The following ZNF792 variants were observed in gnomAD, a reference collection of about 807,000 sequenced individuals.
ZNF792 encodes zinc finger protein 792.
A neutral mutation model predicts 13.1 loss-of-function variants in ZNF792; 14 were observed. The observed-to-expected ratio is 1.07, with a 90% CI of 0.71 to 1.67. The LOEUF is 1.67. Among genes scored for constraint, ZNF792 ranks in the 40% most tolerant of loss-of-function variants. The probability of loss-of-function intolerance (pLI) is 0.00; values close to 1 mark genes in which losing one functional copy is unlikely to be tolerated. For missense variants in ZNF792, 740 were observed against 807.9 expected (o/e 0.92, Z 1.02); for synonymous variants, 257 against 292.0 (o/e 0.88, Z 1.22).
rs371492902 is a variant in ZNF792 at position 34,958,179 on chromosome 19, T to C, written c.1676A>G (p.Asp559Gly). The change falls in exon 4 of 4, where the codon GAC (aspartate) becomes GGC (glycine). Residue 559 changes from aspartate to glycine, a missense_variant. Physicochemically the swap from Asp to Gly is moderately conservative, Grantham distance 94. Transcript: ENST00000404801. ...LRQHLKVHKP[D>G]RPYECSECGK... The stretch of plus-strand genomic sequence containing the variant: ...ACATTCGCTGCATTCGTAAGGCCTG[T>C]CTGGTTTGTGAACTTTCAGGTGCTG... The C allele has an allele frequency of 1.9e-6, 3 of 1,611,764 alleles. No individual in the cohort carries two copies. In the African/African-American group the frequency reaches 4.0e-5, roughly 22 times the overall value.
intron 1 of ZNF792, among the ~76,000 whole-genome samples, chr19:34,962,966 C>A (rs2013549552): frequency 6.6e-6 from 1 of 152,188 alleles, no homozygotes; most frequent in Admixed American, 6.5e-5. Flanking sequence ...CCCTCCACAT[C>A]GGAAAATTTG....
At chr19:34,960,549 T>A (rs1215161534) in intron 2 of ZNF792, 192 bp from the exon 3 acceptor site, 6 of 767,794 alleles carry the variant, frequency 7.8e-6, no homozygotes, top group Non-Finnish European at 1.2e-5. Context: ...AGGCACAGAA[T>A]CTAAACCACA....
chr19:34,959,752 C>A (rs1337627349), intron 3 of ZNF792, among the ~76,000 whole-genome samples, 181 bp from the exon 4 acceptor site: 2 of 152,128 alleles, frequency 1.3e-5, no homozygotes, highest in East Asian at 1.9e-4. Flanking sequence ...TCACAAAATA[C>A]AGGAGGCCTT....
rs552864045 is a variant in ZNF792 at position 34,958,362 on chromosome 19, C to A, written c.1493G>T (p.Arg498Ile). Reference sequence around the variant, plus strand: ...GTAAGGCCGTTCACCAGTGTGAAGTCTCCGATGGCTATTGAGGCTGGAGCT... The same window carrying A: ...GTAAGGCCGTTCACCAGTGTGAAGTATCCGATGGCTATTGAGGCTGGAGCT... ...SQSSSLNSHRRLHTGERPYQC... is the reference protein window; with the variant it reads ...SQSSSLNSHRILHTGERPYQC... Residue 498 changes from arginine (R) to isoleucine (I), a missense_variant, in exon 4 of 4, where the codon AGA becomes ATA. By Grantham distance (97) the Arg-to-Ile change is moderately conservative. Transcript: ENST00000404801. The A allele has an allele frequency of 1.2e-6, 2 of 1,613,556 alleles. No individual in the cohort carries two copies. The highest frequency in any genetic ancestry group is 2.2e-5 in the South Asian group (2 of 91,030).
chr19:34,958,152 C>T lies in ZNF792; in HGVS notation c.1703G>A (p.Gly568Glu). Residue 568 changes from glycine to glutamate, a missense_variant, in exon 4 of 4, where the codon GGG becomes GAG. Physicochemically the swap from Gly to Glu is moderately conservative, Grantham distance 98. Transcript: ENST00000404801. ...PDRPYECSEC[G>E]KAFNQRPTLI... Reference sequence around the variant, plus strand: ...GGTAGGCCTTTGGTTGAAGGCTTTCCCACATTCGCTGCATTCGTAAGGCCT... The same window carrying T: ...GGTAGGCCTTTGGTTGAAGGCTTTCTCACATTCGCTGCATTCGTAAGGCCT... The T allele has an allele frequency of 6.2e-7, 1 of 1,611,860 alleles. No individual in the cohort carries two copies. Among genetic ancestry groups the T allele is most frequent in the Non-Finnish European group, 8.5e-7 (1 of 1,178,164 alleles).
In ZNF792 at chr19:34,963,639, G is replaced by A; in HGVS notation, c.24C>T (p.Asp8=). 4 of 1,602,738 alleles carry A rather than the reference G, an allele frequency of 2.5e-6. No individual in the cohort carries two copies. Among genetic ancestry groups the A allele is most frequent in the Non-Finnish European group, 3.4e-6 (4 of 1,175,716 alleles). MAAAALR[D]PAQGCVTFED... ...ACGTCCAAGCACTCACCTGCGCGGGGTCCCGCAGCGCCGCCGCTGCCATCG... is the reference window on the plus strand; with the variant it reads ...ACGTCCAAGCACTCACCTGCGCGGGATCCCGCAGCGCCGCCGCTGCCATCG... Residue 8 remains aspartate (D), a synonymous_variant, in exon 1 of 4, where the codon GAC becomes GAT. Transcript: ENST00000404801.
At chr19:34,963,016 C>T (rs150917852) in intron 1 of ZNF792, among the ~76,000 whole-genome samples, 741 of 152,294 alleles carry the variant, frequency 4.9e-3, no homozygotes, top group Middle Eastern at 0.027. Context: ...CCAATCACTT[C>T]CTCTACCTCC....
intron 1 of ZNF792, among the ~76,000 whole-genome samples, chr19:34,962,452 C>T (rs11667566): frequency 1.3e-5 from 2 of 152,168 alleles, no homozygotes; most frequent in Non-Finnish European, 2.9e-5. Flanking sequence ...CTGCCTTTCT[C>T]TGGTTGTTCT....
intron 1 of ZNF792, among the ~76,000 whole-genome samples, chr19:34,962,277 T>C (rs556634379): frequency 1.3e-5 from 2 of 152,358 alleles, no homozygotes; most frequent in South Asian, 4.1e-4. Flanking sequence ...CCAAGGCTAC[T>C]TACTCAAAGC....
In ZNF792 at chr19:34,958,575, C is replaced by CA; in HGVS notation, c.1279dup (p.Cys427LeufsTer28). On this transcript the variant is annotated frameshift_variant, in exon 4 of 4. Coordinates refer to ENST00000404801, the MANE Select transcript of ZNF792 (RefSeq NM_175872.5). LOFTEE classifies it low-confidence loss of function (END_TRUNC). ...GGCAATGTGGCTGAAGAATTTCCCA[C>CA]ATTCGTTACACTTGTAAGGTCTTTC... The CA allele has an allele frequency of 6.2e-7, 1 of 1,603,294 alleles. No individual in the cohort carries two copies. Among genetic ancestry groups the CA allele is most frequent in the Non-Finnish European group, 8.5e-7 (1 of 1,173,612 alleles).
At chr19:34,959,816 C>A (rs1169667817) in intron 3 of ZNF792, among the ~76,000 whole-genome samples, 31 of 152,190 alleles carry the variant, frequency 2.0e-4, no homozygotes, top group Admixed American at 2.0e-3. Context: ...GAGGCAGGGT[C>A]TCCCACTCAC....
At chr19:34,959,627 C>G in intron 3 of ZNF792, 56 bp from the exon 4 acceptor site, 1 of 1,496,336 alleles carries the variant, frequency 6.7e-7, no homozygotes, top group Non-Finnish European at 8.9e-7. Flanking sequence ...AAGGAAAGAG[C>G]CCCATCACCT....
At chr19:34,960,805 T>C in intron 2 of ZNF792, 63 bp downstream of exon 2, 2 of 1,612,130 alleles carry the variant, frequency 1.2e-6, no homozygotes, top group South Asian at 2.2e-5. Context: ...AAGAGCTGTT[T>C]CTTGGGCAAA....
Position 34,958,402 on chromosome 19 carries a change from T to G in ZNF792, c.1453A>C (p.Lys485Gln). ...AGGCTGGAGCTCTGGCTAAATAACT[T>G]CCCACATTCATTGCATTCATAAGGC... ...ERPYECNECG[K>Q]LFSQSSSLNS... is the part of the protein sequence containing the mutation. Residue 485 changes from lysine to glutamine, a missense_variant, in exon 4 of 4, where the codon AAG becomes CAG. Transcript: ENST00000404801. The G allele has an allele frequency of 6.2e-7, 1 of 1,613,758 alleles. No individual in the cohort carries two copies. Among genetic ancestry groups the G allele is most frequent in the African/African-American group, 1.3e-5 (1 of 75,012 alleles).
Position 34,961,939 on chromosome 19 carries a change from C to T in ZNF792, c.34-945G>A, listed in dbSNP as rs549391340. On this transcript the variant is annotated intron_variant, in intron 1 of 3. Coordinates refer to ENST00000404801, the MANE Select transcript of ZNF792 (RefSeq NM_175872.5). Reference sequence around the variant, plus strand: ...CTCCTCTACTGCTAAGCCTCAGCATCCATCTCATTCATGTCTACACTCTTT... The same window carrying T: ...CTCCTCTACTGCTAAGCCTCAGCATTCATCTCATTCATGTCTACACTCTTT... 1.2e-4 allele frequency among the ~76,000 whole-genome samples: 18 copies of T among 152,264 alleles called. 1 individual carries two copies. The South Asian group carries it at 3.7e-3, about 32-fold the overall frequency.
Position 34,963,879 on chromosome 19 carries a change from T to C in ZNF792, c.-217A>G, listed in dbSNP as rs917827710. 1.1e-5 allele frequency: 6 copies of C among 554,148 alleles called. No individual in the cohort carries two copies. Among genetic ancestry groups the C allele is most frequent in the Non-Finnish European group, 1.9e-5 (6 of 322,540 alleles). The allele number at this position is 554,148 out of a possible 1,614,324, so 34.3% of individuals were successfully genotyped here. ...GGGCGCCGAGAGCGCGCAGCTCCGCTGGGTACCCCCGTTGCAAGGGGTCAC... is the reference window on the plus strand; with the variant it reads ...GGGCGCCGAGAGCGCGCAGCTCCGCCGGGTACCCCCGTTGCAAGGGGTCAC... On this transcript the variant is annotated 5_prime_UTR_variant, in exon 1 of 4. Transcript: ENST00000404801.
In ZNF792 at chr19:34,956,461, A is replaced by G. The variant is rs1201360808; in HGVS notation, c.*1495T>C. The G allele has an allele frequency of 6.6e-6, 1 of 152,160 alleles. No homozygotes were observed. Among genetic ancestry groups the G allele is most frequent in the South Asian group, 2.1e-4 (1 of 4,834 alleles). 9.4% of individuals were successfully genotyped at this position (152,160 alleles called of 1,614,324 possible). A position where few individuals can be genotyped will look rare whatever the true frequency, so the allele number is the denominator to read the frequency against. ...GTTTCCTAGGGAAGGCAAGGAGGGA[A>G]TGTAAAGGGGCATGAGGTAGCTTTG... On this transcript the variant is annotated 3_prime_UTR_variant, in exon 4 of 4. Transcript: ENST00000404801.
intron 3 of ZNF792, among the ~76,000 whole-genome samples, 170 bp from the exon 4 acceptor site, chr19:34,959,741 G>A (rs1600243206): frequency 6.6e-6 from 1 of 152,172 alleles, no homozygotes; most frequent in East Asian, 1.9e-4. Context: ...GCCTGGCCAG[G>A]TCACAAAATA....
chr19:34,961,989 C>T (rs1011928372), intron 1 of ZNF792, among the ~76,000 whole-genome samples: 1 of 152,190 alleles, frequency 6.6e-6, no homozygotes, highest in Non-Finnish European at 1.5e-5. Flanking sequence ...ACCTGCCAGA[C>T]CCTCTGATAC....
Sources: allele counts gnomAD v4.1 joint callset (sites outside exome capture counted in the v4.1 genomes callset), GRCh38; gene constraint gnomAD v4.1.1; transcripts MANE v1.5; gene names NCBI Gene and HGNC (gene_info 2026-07-23, HGNC 2026-07-21).